The following ADGRB3 variants were observed in gnomAD, a reference collection of about 807,000 sequenced individuals.
ADGRB3 encodes the protein brain-specific angiogenesis inhibitor 3.
ADGRB3 carries 37 observed loss-of-function variants against 193.4 expected under a neutral mutation model. That is an observed-to-expected ratio of 0.19 (90% CI 0.15 to 0.25). The LOEUF (loss-of-function observed/expected upper bound fraction) is 0.25, where lower values mean the gene tolerates loss of function less well. ADGRB3 is among the 10% of genes least tolerant of loss of function. The pLI is 1.00. For missense variants in ADGRB3, 1,637 were observed against 1,852.9 expected, an observed-to-expected ratio of 0.88 and a Z score of 2.14; for synonymous variants, 690 against 644.2, an observed-to-expected ratio of 1.07 and a Z score of -1.08.
At chr6:69,206,048 T>TATATTTATATATATATAC (rs1765532320) in intron 17 of ADGRB3, among the ~76,000 whole-genome samples, 1 of 59,908 alleles carries the variant, frequency 1.7e-5, no homozygotes, top group African/African-American at 8.1e-5. Flanking sequence ...AATAATGGTA[T>TATATTTATATATATATAC]ATATATATAT....
At chr6:69,217,352 A>G (rs949264547) in intron 17 of ADGRB3, among the ~76,000 whole-genome samples, 4 of 152,188 alleles carry the variant, frequency 2.6e-5, no homozygotes, top group African/African-American at 9.6e-5. Flanking sequence ...CTCTAAGATA[A>G]ATCTGTATAA....
At chr6:69,016,243 T>C (rs1415036) in intron 12 of ADGRB3, among the ~76,000 whole-genome samples, 64,454 of 151,744 alleles carry the variant, frequency 0.42, 14,372 homozygotes, top group African/African-American at 0.47. Flanking sequence ...TTGACTACAC[T>C]TGGAGAAATA....
At chr6:69,254,703 T>A (rs531745290) in intron 20 of ADGRB3, among the ~76,000 whole-genome samples, 111 of 151,992 alleles carry the variant, frequency 7.3e-4, no homozygotes, top group African/African-American at 2.6e-3. Flanking sequence ...ATTTCTTTTT[T>A]TTTTCTTTTT....
chr6:69,302,212 T>A (rs1767962423), intron 20 of ADGRB3, among the ~76,000 whole-genome samples: 1 of 151,954 alleles, frequency 6.6e-6, no homozygotes, highest in African/African-American at 2.4e-5. Context: ...AAGCACTTTT[T>A]AAGTGCTCTA....
At chr6:68,716,589 T>C (rs1765494059) in intron 3 of ADGRB3, among the ~76,000 whole-genome samples, 2 of 151,564 alleles carry the variant, frequency 1.3e-5, no homozygotes, top group African/African-American at 2.4e-5. Context: ...TTTCCAACTT[T>C]GCTTTCAGGA....
chr6:68,825,844 A>G (rs949355238), intron 3 of ADGRB3, among the ~76,000 whole-genome samples: 2 of 152,196 alleles, frequency 1.3e-5, no homozygotes, highest in African/African-American at 2.4e-5. Context: ...GCCATGCGGA[A>G]CTGTGAATCA....
At chr6:69,013,538 A>G (rs1404575079) in intron 11 of ADGRB3, among the ~76,000 whole-genome samples, 1 of 152,142 alleles carries the variant, frequency 6.6e-6, no homozygotes, top group African/African-American at 2.4e-5. Context: ...TTGTAAAAGT[A>G]TAATGGCCAG....
chr6:69,160,422 A>G (rs1433943353), intron 17 of ADGRB3, among the ~76,000 whole-genome samples: 2 of 152,066 alleles, frequency 1.3e-5, no homozygotes, highest in Admixed American at 1.3e-4. Context: ...GGACCTTCAC[A>G]CTTGCTCATA....
rs1022913146 is a variant in ADGRB3, at chr6:68,639,734, G to T, written c.757+302G>T. Among the ~76,000 whole-genome samples the T allele has an allele frequency of 1.2e-4, 18 of 152,118 alleles. 1 individual carries two copies. The highest frequency in any genetic ancestry group is 1.2e-3 in the Admixed American group (18 of 15,276). ...TAGAGATTGGTGAGGAGGGAGAGGGGTTTCTTTATTCAGGCTGCAGCCCCT... is the reference window on the plus strand; with the variant it reads ...TAGAGATTGGTGAGGAGGGAGAGGGTTTTCTTTATTCAGGCTGCAGCCCCT... On this transcript the variant is annotated intron_variant, in intron 3 of 31. Coordinates refer to ENST00000370598, the MANE Select transcript of ADGRB3 (RefSeq NM_001704.3).
intron 24 of ADGRB3, among the ~76,000 whole-genome samples, chr6:69,333,287 G>A (rs1013760468): frequency 3.3e-5 from 5 of 152,134 alleles, no homozygotes; most frequent in Non-Finnish European, 7.4e-5. Flanking sequence ...GGCTTTACTT[G>A]CAATAGTTGT....
At chr6:69,369,665 C>T (rs1769664334) in intron 29 of ADGRB3, among the ~76,000 whole-genome samples, 1 of 150,314 alleles carries the variant, frequency 6.7e-6, no homozygotes, top group African/African-American at 2.5e-5. Context: ...GCCACTGAAC[C>T]CCGGCCTGGG....
intron 20 of ADGRB3, among the ~76,000 whole-genome samples, chr6:69,256,632 A>G (rs886491501): frequency 8.5e-5 from 13 of 152,142 alleles, no homozygotes; most frequent in African/African-American, 3.1e-4. Context: ...CTAGATATAC[A>G]ATCATGTCGT....
intron 3 of ADGRB3, among the ~76,000 whole-genome samples, chr6:68,912,735 A>G (rs1233241118): frequency 1.3e-5 from 2 of 152,150 alleles, no homozygotes; most frequent in Admixed American, 1.3e-4. Flanking sequence ...TCCATGTTGT[A>G]TATGTGCCAC....
intron 13 of ADGRB3, among the ~76,000 whole-genome samples, chr6:69,031,025 TCCTCTTCTCTTC>T (rs1770642750): frequency 1.4e-5 from 1 of 68,980 alleles, no homozygotes; most frequent in African/African-American, 7.3e-5. Flanking sequence ...CTTTTTTTTT[TCCTCTTCTCTTC>T]TCTCTTCTCT....
chr6:69,360,646 A>G (rs1044373039), intron 28 of ADGRB3, among the ~76,000 whole-genome samples: 6 of 151,952 alleles, frequency 3.9e-5, no homozygotes, highest in South Asian at 2.1e-4. Flanking sequence ...TGCTTTAGCT[A>G]TGGGCTACCT....
At chr6:69,344,144 C>T (rs1769036100) in intron 26 of ADGRB3, among the ~76,000 whole-genome samples, 1 of 152,132 alleles carries the variant, frequency 6.6e-6, no homozygotes, top group Admixed American at 6.6e-5. Context: ...TACAATAAAA[C>T]TCTTTCACTA....
At chr6:69,061,810 C>CTG (rs1771757831) in intron 15 of ADGRB3, among the ~76,000 whole-genome samples, 1 of 45,008 alleles carries the variant, frequency 2.2e-5, no homozygotes, top group African/African-American at 4.4e-5. Flanking sequence ...TGCCTGGGAG[C>CTG]ATGGAAGGGT....
At chr6:69,331,959 A>G (rs2127314359) in intron 23 of ADGRB3, 2 of 985,300 alleles carry the variant, frequency 2.0e-6, no homozygotes, top group Non-Finnish European at 2.4e-6. Flanking sequence ...CTTAATAGGT[A>G]TGTTTTGCAT....
At chr6:68,919,458 C>T (rs945452167) in intron 3 of ADGRB3, among the ~76,000 whole-genome samples, 2 of 151,788 alleles carry the variant, frequency 1.3e-5, no homozygotes, top group Non-Finnish European at 2.9e-5. Flanking sequence ...GTATATTGGC[C>T]GATGAGAGTG....
Sources: allele counts gnomAD v4.1 joint callset (sites outside exome capture counted in the v4.1 genomes callset), GRCh38; gene constraint gnomAD v4.1.1; transcripts MANE v1.5; gene names NCBI Gene and HGNC (gene_info 2026-07-23, HGNC 2026-07-21).